GLIS3: variants seen among roughly 807,000 people sequenced by gnomAD.
GLIS3 encodes the protein GLIS family zinc finger 3.
A neutral mutation model predicts 78.6 loss-of-function variants in GLIS3; 53 were observed. The observed-to-expected ratio is 0.67, with a 90% CI of 0.54 to 0.85. The LOEUF is 0.85. Ranked by LOEUF, GLIS3 falls within the 40% of genes least tolerant of loss-of-function variation. The pLI is 0.00. For synonymous variants in GLIS3, 684 were observed against 509.9 expected (o/e 1.34, Z -4.60); for missense variants, 1,703 against 1,231.1 (o/e 1.38, Z -5.74).
intron 2 of GLIS3, among the ~76,000 whole-genome samples, chr9:4,341,001 C>T (rs1415680221): frequency 1.3e-5 from 2 of 152,320 alleles, no homozygotes; most frequent in Middle Eastern, 3.4e-3. Flanking sequence ...AGCAACTCTG[C>T]AAACACCCAC....
At position 4,236,142 on chromosome 9, in the gene GLIS3, G is replaced by C. The variant is rs144411369; in HGVS notation, c.388+49896C>G. ...CTCACACAGCTTAATAGCTGGAGTA[G>C]TGCTCCCTGGCCACAGCTAGGAAAA... On this transcript the variant is annotated intron_variant, in intron 2 of 10. Transcript: ENST00000381971. Among the ~76,000 whole-genome samples, 161 of 125,084 alleles carry C rather than the reference G, an allele frequency of 1.3e-3. 1 individual carries two copies. Among genetic ancestry groups the C allele is most frequent in the African/African-American group, 4.8e-3 (156 of 32,830 alleles). 82.1% of individuals were successfully genotyped at this position (125,084 alleles called of 152,430 possible). A position where few individuals can be genotyped will look rare whatever the true frequency, so the allele number is the denominator to read the frequency against.
chr9:4,416,279 A>C, the GLIS3 span, among the ~76,000 whole-genome samples: 1 of 148,374 alleles, frequency 6.7e-6, no homozygotes, highest in African/African-American at 2.5e-5. Flanking sequence ...AAAAAAAAAA[A>C]GCATGCAAAT....
chr9:4,365,933 T>A, the GLIS3 span, among the ~76,000 whole-genome samples: 1 of 151,982 alleles, frequency 6.6e-6, no homozygotes, highest in African/African-American at 2.4e-5. Flanking sequence ...CACTCTAGAG[T>A]CTATTCAAAT....
chr9:4,190,508 A>G (rs200591459), intron 2 of GLIS3, among the ~76,000 whole-genome samples: 1 of 120,480 alleles, frequency 8.3e-6, no homozygotes, highest in Non-Finnish European at 1.9e-5. Flanking sequence ...AACGAACAAA[A>G]CCTCCAAGAA....
chr9:4,073,828 A>T (rs114239073), intron 4 of GLIS3, among the ~76,000 whole-genome samples: 2,984 of 152,270 alleles, frequency 0.02, 60 homozygotes, highest in African/African-American at 0.052. Context: ...AAAATTACGC[A>T]TGAAAGTGTA....
At chr9:4,137,060 C>A (rs774146965) in intron 2 of GLIS3, among the ~76,000 whole-genome samples, 1 of 152,140 alleles carries the variant, frequency 6.6e-6, no homozygotes, top group Non-Finnish European at 1.5e-5. Flanking sequence ...TGGAGGAGCA[C>A]ATGAACCAGC....
chr9:4,245,534 A>G (rs1354088815), intron 2 of GLIS3, among the ~76,000 whole-genome samples: 1 of 152,266 alleles, frequency 6.6e-6, no homozygotes, highest in Non-Finnish European at 1.5e-5. Flanking sequence ...GCGAAGAGCT[A>G]TATAAATGTA....
At chr9:4,420,918 C>A in the GLIS3 span, among the ~76,000 whole-genome samples, 1 of 152,120 alleles carries the variant, frequency 6.6e-6, no homozygotes, top group African/African-American at 2.4e-5. Context: ...GAAATAGAGC[C>A]TTCATTTTTG....
intron 2 of GLIS3, among the ~76,000 whole-genome samples, chr9:4,128,691 G>A (rs912806899): frequency 3.3e-5 from 5 of 152,088 alleles, no homozygotes; most frequent in African/African-American, 1.2e-4. Context: ...AAGTCAGTGG[G>A]GGTAGTAATT....
intron 4 of GLIS3, among the ~76,000 whole-genome samples, chr9:4,041,308 A>G (rs886799471): frequency 6.6e-6 from 1 of 152,188 alleles, no homozygotes; most frequent in African/African-American, 2.4e-5. Flanking sequence ...GATAAGGGAA[A>G]CTGCCAAACA....
chr9:4,286,006 A>G, intron 2 of GLIS3, 32 bp downstream of exon 2: 1 of 1,613,902 alleles, frequency 6.2e-7, no homozygotes, highest in Non-Finnish European at 8.5e-7. Flanking sequence ...AATCGTTTCC[A>G]TTTTTAAAAG....
At chr9:4,390,955 T>C in the GLIS3 span, among the ~76,000 whole-genome samples, 2 of 152,182 alleles carry the variant, frequency 1.3e-5, no homozygotes, top group Admixed American at 6.5e-5. Flanking sequence ...GTTCTCCACA[T>C]TGGGGCCTTT....
the GLIS3 span, among the ~76,000 whole-genome samples, chr9:4,400,155 G>A: frequency 3.9e-5 from 6 of 152,166 alleles, no homozygotes; most frequent in Admixed American, 2.6e-4. Flanking sequence ...TGAGAAAGAT[G>A]GCTCTTCCCC....
chr9:4,452,398 T>C, the GLIS3 span, among the ~76,000 whole-genome samples: 525 of 152,260 alleles, frequency 3.4e-3, 6 homozygotes, highest in African/African-American at 0.012. Context: ...TGTTTGCAGA[T>C]GACATGATTG....
chr9:3,897,730 A>C (rs1822964032), intron 7 of GLIS3, among the ~76,000 whole-genome samples: 1 of 152,216 alleles, frequency 6.6e-6, no homozygotes, highest in Non-Finnish European at 1.5e-5. Flanking sequence ...TCAACTGAGA[A>C]CTGTCAAATT....
intron 6 of GLIS3, among the ~76,000 whole-genome samples, chr9:3,916,253 A>G (rs1332043086): frequency 6.6e-6 from 1 of 152,146 alleles, no homozygotes; most frequent in Non-Finnish European, 1.5e-5. Flanking sequence ...GGGCGACTTA[A>G]TTTTTCCCTA....
At chr9:4,435,551 C>T in the GLIS3 span, among the ~76,000 whole-genome samples, 1 of 152,174 alleles carries the variant, frequency 6.6e-6, no homozygotes. Context: ...AATTTTGTAC[C>T]ATCCTGGATC....
At chr9:4,177,866 T>G (rs1040701112) in intron 2 of GLIS3, among the ~76,000 whole-genome samples, 1 of 152,226 alleles carries the variant, frequency 6.6e-6, no homozygotes, top group African/African-American at 2.4e-5. Context: ...TGCTGAATGT[T>G]TCCAGCAGAT....
At chr9:4,287,354 A>G (rs1265045219) in intron 1 of GLIS3, among the ~76,000 whole-genome samples, 1 of 152,232 alleles carries the variant, frequency 6.6e-6, no homozygotes, top group East Asian at 1.9e-4. Flanking sequence ...ACATTAAGGA[A>G]GCAGAACAAG....
Sources: gnomAD v4.1 joint callset for allele counts (sites outside exome capture counted in the v4.1 genomes callset) on GRCh38, gnomAD v4.1.1 for gene constraint, MANE v1.5 for transcripts, NCBI Gene and HGNC (gene_info 2026-07-23, HGNC 2026-07-21) for gene names.